ASPH: variants seen among roughly 807,000 people sequenced by gnomAD.
The protein encoded by ASPH is aspartyl/asparaginyl beta-hydroxylase.
ASPH carries 100 observed loss-of-function variants against 118.4 expected under a neutral mutation model. The observed-to-expected ratio is 0.84, with a 90% CI of 0.72 to 1.00. The LOEUF (loss-of-function observed/expected upper bound fraction) is 1.00. Ranked by LOEUF, ASPH falls within the 50% of genes least tolerant of loss-of-function variation. The probability of loss-of-function intolerance (pLI) is 0.00; values close to 1 mark genes in which losing one functional copy is unlikely to be tolerated. For missense variants in ASPH, 920 were observed against 919.5 expected (o/e 1.00, Z -0.01); for synonymous variants, 315 against 325.6 (o/e 0.97, Z 0.35).
At chr8:61,520,198 C>T (rs188100914) in intron 22 of ASPH, among the ~76,000 whole-genome samples, 1 of 152,278 alleles carries the variant, frequency 6.6e-6, no homozygotes, top group Admixed American at 6.5e-5. Flanking sequence ...ATTTAAGTAT[C>T]CTGAACTATG....
chr8:61,574,044 T>C (rs1030069544), intron 16 of ASPH, among the ~76,000 whole-genome samples: 1 of 152,170 alleles, frequency 6.6e-6, no homozygotes, highest in Non-Finnish European at 1.5e-5. Context: ...ACAAAGGATA[T>C]GAACAGACAC....
In ASPH at chr8:61,662,073, T is replaced by TTGA. The variant is rs559899986; in HGVS notation, c.323-8416_323-8414dup. On this transcript the variant is annotated intron_variant, in intron 3 of 24. Coordinates refer to ENST00000379454, the MANE Select transcript of ASPH (RefSeq NM_004318.4). ...GATGACACAACAAATGACCAAAAAT[T>TTGA]TGATGATGATGTAAGTGCTTCAAAA... The TTGA allele has an allele frequency of 1.0e-4, 36 of 350,124 alleles. No homozygotes were observed. In the South Asian group the frequency reaches 3.3e-3, roughly 32 times the overall value. 21.7% of individuals were successfully genotyped at this position (350,124 alleles called of 1,614,324 possible). A position where few individuals can be genotyped will look rare whatever the true frequency, so the allele number is the denominator to read the frequency against.
At chr8:61,693,641 C>T (rs1041519937) in intron 1 of ASPH, among the ~76,000 whole-genome samples, 3 of 152,210 alleles carry the variant, frequency 2.0e-5, no homozygotes, top group Admixed American at 1.3e-4. Flanking sequence ...GGTTTAGGTT[C>T]TCTCACCACA....
At chr8:61,558,853 G>A (rs138337773) in intron 18 of ASPH, among the ~76,000 whole-genome samples, 56 of 152,274 alleles carry the variant, frequency 3.7e-4, no homozygotes, top group African/African-American at 1.3e-3. Context: ...ACATTGGTTT[G>A]AAATGCATGG....
At position 61,709,899 on chromosome 8, in the gene ASPH, C is replaced by T. The variant is rs571166613; in HGVS notation, c.103+4370G>A. 4.8e-4 allele frequency among the ~76,000 whole-genome samples: 73 copies of T among 152,254 alleles called. 1 individual carries two copies. The Middle Eastern group carries it at 0.027, about 57-fold the overall frequency. On this transcript the variant is annotated intron_variant, in intron 1 of 24. Transcript: ENST00000379454. Reference sequence around the variant, plus strand: ...CCTCCAGAAGCTGAGAGAAATGTATCGAGCAGTCCTCAAAGCATAGTATAA... The same window carrying T: ...CCTCCAGAAGCTGAGAGAAATGTATTGAGCAGTCCTCAAAGCATAGTATAA...
intron 15 of ASPH, among the ~76,000 whole-genome samples, chr8:61,577,769 C>T (rs998725234): frequency 1.1e-4 from 16 of 152,266 alleles, no homozygotes; most frequent in Admixed American, 3.3e-4. Flanking sequence ...ATCATGAGAA[C>T]GGCATGGGGG....
At chr8:61,549,472 G>A (rs974228852) in intron 20 of ASPH, among the ~76,000 whole-genome samples, 1 of 152,130 alleles carries the variant, frequency 6.6e-6, no homozygotes. Flanking sequence ...TATGAAAAAT[G>A]ATTTTCTTAT....
At chr8:61,644,997 C>T (rs756600907) in intron 6 of ASPH, among the ~76,000 whole-genome samples, 1 of 152,020 alleles carries the variant, frequency 6.6e-6, no homozygotes, top group Non-Finnish European at 1.5e-5. Flanking sequence ...TTTTCTAGAG[C>T]GAAAGTACAG....
chr8:61,610,928 T>C (rs1415968573), intron 14 of ASPH, among the ~76,000 whole-genome samples: 2 of 152,252 alleles, frequency 1.3e-5, no homozygotes, highest in African/African-American at 4.8e-5. Context: ...CAAGCCCATG[T>C]GCATCAATGG....
intron 14 of ASPH, among the ~76,000 whole-genome samples, chr8:61,597,196 GAAAAAAAAA>G (rs34291472): frequency 8.9e-6 from 1 of 112,804 alleles, no homozygotes; most frequent in African/African-American, 3.5e-5. Flanking sequence ...ATCCAGTCAG[GAAAAAAAAA>G]AAAAAAAAAA....
chr8:61,662,769 T>C, intron 3 of ASPH: 1 of 854,636 alleles, frequency 1.2e-6, no homozygotes, highest in Non-Finnish European at 1.4e-6. Context: ...AGTTGAGGTG[T>C]TTCAATTCTT....
At chr8:61,643,520 T>A in intron 8 of ASPH, 87 bp from the exon 9 acceptor site, 1 of 1,306,188 alleles carries the variant, frequency 7.7e-7, no homozygotes, top group Non-Finnish European at 1.1e-6. Context: ...AAATTAATTA[T>A]CTTCACAACT....
intron 12 of ASPH, among the ~76,000 whole-genome samples, chr8:61,636,518 C>G (rs1249075844): frequency 6.6e-6 from 1 of 152,120 alleles, no homozygotes; most frequent in East Asian, 1.9e-4. Flanking sequence ...ACTGTCCACT[C>G]AGGCACTACA....
chr8:61,698,552 G>A (rs976207186), intron 1 of ASPH, among the ~76,000 whole-genome samples: 24 of 152,286 alleles, frequency 1.6e-4, no homozygotes, highest in African/African-American at 5.8e-4. Context: ...CATTACTTAG[G>A]AATGACTGAT....
At chr8:61,647,394 G>C (rs1266906657) in intron 5 of ASPH, among the ~76,000 whole-genome samples, 1 of 152,176 alleles carries the variant, frequency 6.6e-6, no homozygotes, top group Non-Finnish European at 1.5e-5. Context: ...GCTAGGGCCA[G>C]GCATGGCAGC....
At chr8:61,675,757 C>A in intron 3 of ASPH, 1 of 1,104,342 alleles carries the variant, frequency 9.1e-7, no homozygotes, top group Non-Finnish European at 1.1e-6. Flanking sequence ...GTTAAGTGTC[C>A]AAATTTAGTT....
chr8:61,708,852 T>C (rs1417681615), intron 1 of ASPH, among the ~76,000 whole-genome samples: 1 of 151,974 alleles, frequency 6.6e-6, no homozygotes, highest in East Asian at 1.9e-4. Context: ...TGACTATAAC[T>C]GGACAGCAAC....
chr8:61,713,324 A>G (rs1004070334), intron 1 of ASPH, among the ~76,000 whole-genome samples: 1 of 152,244 alleles, frequency 6.6e-6, no homozygotes, highest in African/African-American at 2.4e-5. Flanking sequence ...CATGAAAGTA[A>G]TAAGACAAGT....
intron 14 of ASPH, among the ~76,000 whole-genome samples, chr8:61,596,496 T>G (rs1036990627): frequency 6.6e-6 from 1 of 152,216 alleles, no homozygotes; most frequent in Admixed American, 6.5e-5. Context: ...TCAGTGCCCA[T>G]GTACACTGCC....
Sources: gnomAD v4.1 joint callset for allele counts (sites outside exome capture counted in the v4.1 genomes callset) on GRCh38, gnomAD v4.1.1 for gene constraint, MANE v1.5 for transcripts, NCBI Gene and HGNC (gene_info 2026-07-23, HGNC 2026-07-21) for gene names.